PPP6R1: variants seen among roughly 807,000 people sequenced by gnomAD.
The protein encoded by PPP6R1 is serine/threonine-protein phosphatase 6 regulatory subunit 1.
In PPP6R1, 39 loss-of-function variants were observed where a neutral mutation model predicts 104.6. The ratio of observed to expected loss-of-function variants is 0.37; its 90% CI spans 0.29 to 0.49. PPP6R1 has a LOEUF of 0.49. Ranked by LOEUF, PPP6R1 falls within the 20% of genes least tolerant of loss-of-function variation. PPP6R1 has a pLI of 0.98. For synonymous variants in PPP6R1, 549 were observed against 479.0 expected (o/e 1.15, Z -1.91); for missense variants, 1,181 against 1,155.8 (o/e 1.02, Z -0.32).
At chr19:55,242,531 G>C in intron 5 of PPP6R1, 43 bp from the exon 6 acceptor site, 1 of 1,530,238 alleles carries the variant, frequency 6.5e-7, no homozygotes, top group Non-Finnish European at 9.1e-7. Flanking sequence ...TCGGGCCACC[G>C]GGCCCTCTGC....
rs747342313 is a variant in PPP6R1 at position 55,241,405 on chromosome 19, G to A, written c.1009-14C>T. The A allele has an allele frequency of 7.5e-6, 12 of 1,603,508 alleles. No individual in the cohort carries two copies. In the Admixed American group the frequency reaches 1.2e-4, roughly 16 times the overall value. On this transcript the variant is annotated splice_polypyrimidine_tract_variant and intron_variant, in intron 8 of 23. Transcript: ENST00000412770. This position sits in a 1 kb window ranked among gnomAD's most constrained non-coding sequence, Gnocchi z 5.4. Reference sequence around the variant, plus strand: ...TAGCGGCTCCAGCTGCAGACACAGGGAGGCCTGATTCCCAAGGGCTGCCCT... The same window carrying A: ...TAGCGGCTCCAGCTGCAGACACAGGAAGGCCTGATTCCCAAGGGCTGCCCT...
At chr19:55,249,183 G>A (rs930020050) in intron 1 of PPP6R1, among the ~76,000 whole-genome samples, 1 of 152,114 alleles carries the variant, frequency 6.6e-6, no homozygotes, top group East Asian at 1.9e-4. Flanking sequence ...TGGGGGGCCT[G>A]CCAGGTCCCA....
Position 55,241,438 on chromosome 19 carries a change from TCCC to T in PPP6R1, c.1008+36_1008+38del. The T allele has an allele frequency of 6.3e-7, 1 of 1,593,776 alleles. No individual in the cohort carries two copies. The highest frequency in any genetic ancestry group is 8.6e-7 in the Non-Finnish European group (1 of 1,167,796). On this transcript the variant is annotated intron_variant, in intron 8 of 23. Coordinates refer to ENST00000412770, the MANE Select transcript of PPP6R1 (RefSeq NM_014931.4). The surrounding 1 kb of genome is among the most constrained non-coding windows in gnomAD (Gnocchi z 5.4). The stretch of plus-strand genomic sequence containing the variant: ...ATTCCCAAGGGCTGCCCTTCCTGCT[TCCC>T]CCGCCTCCCCGAGGACCAGAACCCA...
At chr19:55,228,844 G>C, downstream of PPP6R1, 1 of 1,174,008 alleles carries the variant, frequency 8.5e-7, no homozygotes, top group Non-Finnish European at 1.2e-6. Flanking sequence ...GCGTCCTGTG[G>C]ACTCTGTGAC....
rs1007091401 is a variant in PPP6R1, at chr19:55,239,446, G to A, written c.1710C>T (p.Gly570=). 6.2e-7 allele frequency: 1 copy of A among 1,614,006 alleles called. No homozygotes were observed. Among genetic ancestry groups the A allele is most frequent in the Non-Finnish European group, 8.5e-7 (1 of 1,179,884 alleles). ...GCTCCCCAAACTCCTCATCATTGAA[G>A]CCGAAGTGGTCAATGAAGGCAGAGG... ...RMTSAFIDHF[G]FNDEEFGEQE... is the part of the protein sequence containing the mutation. The change falls in exon 15 of 24, where the codon GGC becomes GGT. Residue 570 remains glycine (G), a synonymous_variant. Transcript: ENST00000412770.
chr19:55,256,848 G>T (rs1165056206), intron 1 of PPP6R1, among the ~76,000 whole-genome samples: 2 of 152,188 alleles, frequency 1.3e-5, no homozygotes, highest in African/African-American at 4.8e-5. Flanking sequence ...GCTACTGATT[G>T]CAGAGTGTCA....
At position 55,241,178 on chromosome 19, in the gene PPP6R1, C is replaced by G. The variant is rs985342692; in HGVS notation, c.1161+61G>C. The G allele has an allele frequency of 2.0e-6, 3 of 1,495,216 alleles. No homozygotes were observed. Among genetic ancestry groups the G allele is most frequent in the Non-Finnish European group, 1.8e-6 (2 of 1,122,250 alleles). 92.6% of individuals were successfully genotyped at this position (1,495,216 alleles called of 1,614,324 possible). A position where few individuals can be genotyped will look rare whatever the true frequency, so the allele number is the denominator to read the frequency against. On this transcript the variant is annotated intron_variant, in intron 9 of 23. Coordinates refer to ENST00000412770, the MANE Select transcript of PPP6R1 (RefSeq NM_014931.4). The surrounding 1 kb of genome is among the most constrained non-coding windows in gnomAD (Gnocchi z 5.4). The stretch of plus-strand genomic sequence containing the variant: ...GAGCCCCCACCCCAGCCCCCGAACC[C>G]TCAGCCCAGTCCAGTCCCCGCCCCA...
chr19:55,240,551 A>G (rs2087444461), intron 10 of PPP6R1, among the ~76,000 whole-genome samples: 2 of 150,286 alleles, frequency 1.3e-5, no homozygotes, highest in South Asian at 4.2e-4. Flanking sequence ...ACACACACAC[A>G]CACACATGCA....
At chr19:55,244,644 G>A (rs1354074074) in intron 5 of PPP6R1, among the ~76,000 whole-genome samples, 1 of 152,228 alleles carries the variant, frequency 6.6e-6, no homozygotes, top group Admixed American at 6.5e-5. Context: ...CACTTTCGGA[G>A]GCCACAGTGG....
rs2087461953 is a variant in PPP6R1, at chr19:55,241,917, G to A, written c.845+249C>T. Among the ~76,000 whole-genome samples, 1 of 152,106 alleles carries A rather than the reference G, an allele frequency of 6.6e-6. No individual in the cohort carries two copies. The highest frequency in any genetic ancestry group is 1.5e-5 in the Non-Finnish European group (1 of 67,990). On this transcript the variant is annotated intron_variant, in intron 7 of 23. Coordinates refer to ENST00000412770, the MANE Select transcript of PPP6R1 (RefSeq NM_014931.4). This position sits in a 1 kb window ranked among gnomAD's most constrained non-coding sequence, Gnocchi z 5.4. ...GGCCTGTGTGGTAAGGCAGGGGCACGGGGGCCTGGGGTCCCTCCCAACACA... is the reference window on the plus strand; with the variant it reads ...GGCCTGTGTGGTAAGGCAGGGGCACAGGGGCCTGGGGTCCCTCCCAACACA...
At chr19:55,247,301 AAGGCTCCCAGTGAGCACC>A (rs2122686248) in intron 1 of PPP6R1, 192 bp from the exon 2 acceptor site, 2 of 612,324 alleles carry the variant, frequency 3.3e-6, no homozygotes, top group African/African-American at 3.7e-5. Flanking sequence ...ACTCAGGCTT[AAGGCTCCCAGTGAGCACC>A]AGGCTCCTGC....
chr19:55,250,765 G>A (rs536232334), intron 1 of PPP6R1, among the ~76,000 whole-genome samples: 2 of 151,936 alleles, frequency 1.3e-5, no homozygotes, highest in South Asian at 4.2e-4. Flanking sequence ...CCCAGGCACC[G>A]CTGACCTCCC....
At chr19:55,250,853 C>T (rs1019448965) in intron 1 of PPP6R1, among the ~76,000 whole-genome samples, 30 of 152,242 alleles carry the variant, frequency 2.0e-4, no homozygotes, top group African/African-American at 6.3e-4. Context: ...CCGCAGGCGA[C>T]CCCTGCTCGT....
rs913279993 is a variant in PPP6R1, at chr19:55,241,217, C to T, written c.1161+22G>A. 1 of 1,531,332 alleles carries T rather than the reference C, an allele frequency of 6.5e-7. No homozygotes were observed. The highest frequency in any genetic ancestry group is 8.8e-7 in the Non-Finnish European group (1 of 1,140,746). The allele number at this position is 1,531,332 out of a possible 1,614,324, so 94.9% of individuals were successfully genotyped here. On this transcript the variant is annotated intron_variant, in intron 9 of 23. Transcript: ENST00000412770. The surrounding 1 kb of genome is among the most constrained non-coding windows in gnomAD (Gnocchi z 5.4). ...GTCCCCGCCCCAGCCCCTGAACCCC[C>T]AGCCCGGTCCAGTCCCCGCACCAGC...
rs188128218 is a variant in PPP6R1 at position 55,234,217 on chromosome 19, G to A, written c.1989-2006C>T. 5.6e-4 allele frequency among the ~76,000 whole-genome samples: 85 copies of A among 152,242 alleles called. No individual in the cohort carries two copies. The East Asian group carries it at 0.016, about 28-fold the overall frequency. On this transcript the variant is annotated intron_variant, in intron 17 of 23. Coordinates refer to ENST00000412770, the MANE Select transcript of PPP6R1 (RefSeq NM_014931.4). ...CCACCTTGGCCTCCCAAAGTGCTGG[G>A]ATTACAGGTGTGAGCCACCGTGCCC...
Position 55,239,916 on chromosome 19 carries a change from T to A in PPP6R1, c.1478-5A>T, listed in dbSNP as rs1462100841. 6.2e-7 allele frequency: 1 copy of A among 1,613,804 alleles called. No individual in the cohort carries two copies. Among genetic ancestry groups the A allele is most frequent in the African/African-American group, 1.3e-5 (1 of 75,050 alleles). ...CCTGCTGCTCGCTGGGCAGCTCTGC[T>A]TAGGTGAGAGGGGTGAAGACGTGAG... On this transcript the variant is annotated splice_polypyrimidine_tract_variant and splice_region_variant and intron_variant, in intron 12 of 23. Coordinates refer to ENST00000412770, the MANE Select transcript of PPP6R1 (RefSeq NM_014931.4).
At chr19:55,228,833 A>G, downstream of PPP6R1, 1 of 1,351,076 alleles carries the variant, frequency 7.4e-7, no homozygotes, top group Non-Finnish European at 1.0e-6. Flanking sequence ...TAACCCAAGG[A>G]GCGTCCTGTG....
At chr19:55,229,081 C>T (rs1267162179), downstream of PPP6R1, 1 of 262,154 alleles carries the variant, frequency 3.8e-6, no homozygotes, top group Non-Finnish European at 7.7e-6. Context: ...GCCACCCCAT[C>T]ATGGGAAGCG....
In PPP6R1 at chr19:55,239,852, T is replaced by C; in HGVS notation, c.1537A>G (p.Thr513Ala). The change falls in exon 13 of 24, where the codon ACC becomes GCC. Residue 513 changes from threonine to alanine, a missense_variant. Around this residue, in one of 2 missense-constraint regions of PPP6R1, gnomAD observed 1,042 missense variants for 955.6 expected, o/e 1.09. Transcript: ENST00000412770. ...EAFVSGPLAE[T>A]NKKNMVDLVN... ...AGGTCCACCATGTTCTTCTTGTTGG[T>C]CTCCGCCAGGGGCCCCGATACGAAG... 1.2e-6 allele frequency: 2 copies of C among 1,613,866 alleles called. No individual in the cohort carries two copies. Among genetic ancestry groups the C allele is most frequent in the Non-Finnish European group, 1.7e-6 (2 of 1,179,832 alleles).
Sources: gnomAD v4.1 joint callset for allele counts (sites outside exome capture counted in the v4.1 genomes callset) on GRCh38, gnomAD v4.1.1 for gene constraint, gnomAD v4.1.1 regional missense constraint, Gnocchi (gnomAD v3.1) non-coding constraint, MANE v1.5 for transcripts, NCBI Gene and HGNC (gene_info 2026-07-23, HGNC 2026-07-21) for gene names.